The following OIP5 variants were observed in gnomAD, a reference collection of about 807,000 sequenced individuals.
The protein encoded by OIP5 is protein Mis18-beta.
A neutral mutation model predicts 20.3 loss-of-function variants in OIP5; 24 were observed. The observed-to-expected ratio is 1.18, with a 90% CI of 0.86 to 1.66. The LOEUF is 1.66. OIP5 is among the 40% of genes most tolerant of loss of function. OIP5 has a pLI of 0.00. For synonymous variants in OIP5, 143 were observed against 121.3 expected (o/e 1.18, Z -1.17); for missense variants, 339 against 289.5 (o/e 1.17, Z -1.24).
intron 2 of OIP5, among the ~76,000 whole-genome samples, chr15:41,322,356 T>C (rs1229771697): frequency 1.3e-5 from 2 of 152,170 alleles, no homozygotes; most frequent in African/African-American, 4.8e-5. Context: ...TTAAAGTGGT[T>C]TGGTAAAGGA....
chr15:41,319,877 G>C (rs1285643927), intron 2 of OIP5, 97 bp from the exon 3 acceptor site: 1 of 970,006 alleles, frequency 1.0e-6, no homozygotes, highest in Non-Finnish European at 1.5e-6. Context: ...ACCTAAGTCA[G>C]GGTGAAAATT....
intron 3 of OIP5, among the ~76,000 whole-genome samples, chr15:41,315,428 CAA>C (rs750519027): frequency 9.2e-5 from 8 of 87,280 alleles, no homozygotes; most frequent in Admixed American, 2.6e-4. Flanking sequence ...GACTCTGTCT[CAA>C]AAAAAAAAAA....
At chr15:41,321,524 T>A (rs1208648004) in intron 2 of OIP5, among the ~76,000 whole-genome samples, 2 of 152,208 alleles carry the variant, frequency 1.3e-5, no homozygotes, top group Non-Finnish European at 1.5e-5. Context: ...GGATGGCTGC[T>A]GTGTCTGTGT....
At chr15:41,332,205 G>T in intron 1 of OIP5, 35 bp downstream of exon 1, 2 of 1,522,476 alleles carry the variant, frequency 1.3e-6, no homozygotes, top group South Asian at 2.6e-5. Context: ...TCTCGGGCTA[G>T]CCTCTGCCTT....
chr15:41,319,544 G>A (rs2047809867), intron 3 of OIP5, 114 bp downstream of exon 3: 1 of 1,094,304 alleles, frequency 9.1e-7, no homozygotes, highest in Non-Finnish European at 1.3e-6. Context: ...ATAAGCCACT[G>A]TGCTCAGCCT....
chr15:41,320,564 T>C (rs2047817055), intron 2 of OIP5, among the ~76,000 whole-genome samples: 1 of 151,792 alleles, frequency 6.6e-6, no homozygotes, highest in Admixed American at 6.6e-5. Context: ...GCAGACGGAG[T>C]CTCGTCTCGT....
At position 41,309,706 on chromosome 15, in the gene OIP5, G is replaced by T. The variant is rs780549481; in HGVS notation, c.*48C>A. The T allele has an allele frequency of 8.4e-5, 105 of 1,243,464 alleles. No homozygotes were observed. The highest frequency in any genetic ancestry group is 3.8e-4 in the Middle Eastern group (2 of 5,326). 77.0% of individuals were successfully genotyped at this position (1,243,464 alleles called of 1,614,324 possible). A position where few individuals can be genotyped will look rare whatever the true frequency, so the allele number is the denominator to read the frequency against. On this transcript the variant is annotated 3_prime_UTR_variant, in exon 5 of 5. Transcript: ENST00000220514. The stretch of plus-strand genomic sequence containing the variant: ...AAATGACTAAGCAGCACCTGTTGTT[G>T]AAGACAGCAATAAAGCCTGAACCTG...
intron 2 of OIP5, among the ~76,000 whole-genome samples, chr15:41,329,574 A>T (rs1172078857): frequency 6.6e-6 from 1 of 152,040 alleles, no homozygotes; most frequent in Non-Finnish European, 1.5e-5. Flanking sequence ...TTGGCCTCCC[A>T]AAGTGCTGGG....
intron 2 of OIP5, among the ~76,000 whole-genome samples, chr15:41,330,240 C>T (rs1025853883): frequency 4.6e-5 from 7 of 151,782 alleles, no homozygotes; most frequent in Non-Finnish European, 1.0e-4. Context: ...GCTGGGATTA[C>T]AGGCATGTGC....
rs865802712 is a variant in OIP5 at position 41,332,513 on chromosome 15, G to T, written c.49C>A (p.Arg17=). The part of the protein sequence containing the change: ...RHRSRCATPP[R]GDFCGGTERA... ...TCAGTGCCACCACAAAAGTCCCCCC[G>T]GGGCGGCGTTGCACAACGTGAGCGA... Residue 17 remains arginine, a synonymous_variant, in exon 1 of 5, where the codon CGG becomes AGG. Transcript: ENST00000220514. 2.5e-6 allele frequency: 4 copies of T among 1,613,468 alleles called. No individual in the cohort carries two copies. Among genetic ancestry groups the T allele is most frequent in the Middle Eastern group, 1.6e-4 (1 of 6,084 alleles).
chr15:41,319,796 AAC>A lies in OIP5; in HGVS notation c.390-18_390-17del. 6.3e-7 allele frequency: 1 copy of A among 1,593,912 alleles called. No homozygotes were observed. The highest frequency in any genetic ancestry group is 8.5e-7 in the Non-Finnish European group (1 of 1,171,804). On this transcript the variant is annotated splice_polypyrimidine_tract_variant and intron_variant, in intron 2 of 4. Coordinates refer to ENST00000220514, the MANE Select transcript of OIP5 (RefSeq NM_007280.2). ...GTTGTAAGTACTAGGGGTGGGGAAA[AAC>A]ACAATATGGGTAAGAATAAAAAATC...
At chr15:41,328,544 A>G (rs887226466) in intron 2 of OIP5, among the ~76,000 whole-genome samples, 9 of 152,242 alleles carry the variant, frequency 5.9e-5, no homozygotes, top group African/African-American at 2.2e-4. Flanking sequence ...TCAACATACT[A>G]TAATAATCCT....
chr15:41,330,096 AT>A (rs918809897), intron 2 of OIP5, among the ~76,000 whole-genome samples: 32 of 146,422 alleles, frequency 2.2e-4, no homozygotes, highest in East Asian at 8.2e-4. Flanking sequence ...CATGTAATCA[AT>A]TTTTTTTTTT....
At position 41,313,289 on chromosome 15, in the gene OIP5, G is replaced by C. The variant is rs1241973708; in HGVS notation, c.578C>G (p.Ser193Ter). Residue 193 changes from serine (S) to a stop codon, truncating the protein, a stop_gained, in exon 4 of 5, where the codon TCA (serine) becomes TGA (stop). Transcript: ENST00000220514. LOFTEE classifies it high-confidence loss of function. ...AAATTTTACCTCTGCAATCTTTTCT[G>C]ATAGAGGAACATTTTGAATATCCAT... ...SEMDIQNVPL[S>*]EKIAELKEKI... 1 of 1,599,110 alleles carries C rather than the reference G, an allele frequency of 6.3e-7. No homozygotes were observed. Among genetic ancestry groups the C allele is most frequent in the African/African-American group, 1.3e-5 (1 of 74,766 alleles).
At chr15:41,321,879 T>C (rs955850020) in intron 2 of OIP5, among the ~76,000 whole-genome samples, 3 of 150,072 alleles carry the variant, frequency 2.0e-5, no homozygotes, top group Admixed American at 1.3e-4. Flanking sequence ...CCTATGACCC[T>C]GCCAAATCCC....
chr15:41,314,556 C>T (rs960826275), intron 3 of OIP5, among the ~76,000 whole-genome samples: 2 of 151,776 alleles, frequency 1.3e-5, no homozygotes, highest in Non-Finnish European at 2.9e-5. Flanking sequence ...AATCCCAGCA[C>T]TTTGGGAGGC....
chr15:41,328,232 T>C (rs2047873855), intron 2 of OIP5, among the ~76,000 whole-genome samples: 1 of 152,252 alleles, frequency 6.6e-6, no homozygotes, highest in African/African-American at 2.4e-5. Flanking sequence ...TTGCTCATGA[T>C]GGTCTTGAAC....
intron 3 of OIP5, 32 bp downstream of exon 3, chr15:41,319,626 G>C: frequency 3.2e-6 from 5 of 1,571,238 alleles, no homozygotes; most frequent in Non-Finnish European, 4.3e-6. Context: ...AAAATAAAAT[G>C]TATTTGATGA....
chr15:41,312,412 C>T (rs2047761758), intron 4 of OIP5, among the ~76,000 whole-genome samples: 1 of 152,180 alleles, frequency 6.6e-6, no homozygotes, highest in Non-Finnish European at 1.5e-5. Flanking sequence ...CCATCCGCCT[C>T]AGCCTCCCAA....
Sources: gnomAD v4.1 joint callset for allele counts (sites outside exome capture counted in the v4.1 genomes callset) on GRCh38, gnomAD v4.1.1 for gene constraint, MANE v1.5 for transcripts, NCBI Gene and HGNC (gene_info 2026-07-23, HGNC 2026-07-21) for gene names.